The following BNC2 variants were observed in gnomAD, a reference collection of about 807,000 sequenced individuals.
The protein encoded by BNC2 is basonuclin zinc finger protein 2.
In BNC2, 20 loss-of-function variants were observed where a neutral mutation model predicts 76.3. The observed-to-expected ratio is 0.26, with a 90% CI of 0.18 to 0.38. The LOEUF (loss-of-function observed/expected upper bound fraction) is 0.38. Ranked by LOEUF, BNC2 falls within the 10% of genes least tolerant of loss-of-function variation. The probability of loss-of-function intolerance (pLI) is 1.00; values close to 1 mark genes in which losing one functional copy is unlikely to be tolerated. For missense variants in BNC2, 1,382 were observed against 1,399.8 expected (o/e 0.99, Z 0.20); for synonymous variants, 582 against 514.8 (o/e 1.13, Z -1.77).
chr9:16,522,548 T>G (rs1817650727), intron 5 of BNC2, among the ~76,000 whole-genome samples: 1 of 152,142 alleles, frequency 6.6e-6, no homozygotes, highest in African/African-American at 2.4e-5. Flanking sequence ...CTCTTTAGAT[T>G]TTTTACAGGG....
At chr9:16,764,175 T>G (rs2135404598) in intron 1 of BNC2, among the ~76,000 whole-genome samples, 1 of 152,364 alleles carries the variant, frequency 6.6e-6, no homozygotes. Flanking sequence ...GCTCACTCAC[T>G]GCCAGTAATT....
chr9:16,669,175 T>C (rs1248511076), intron 3 of BNC2, among the ~76,000 whole-genome samples: 1 of 152,234 alleles, frequency 6.6e-6, no homozygotes. Flanking sequence ...ATATTGTACG[T>C]ATTGATTGGA....
chr9:16,599,526 G>C (rs1313535147), intron 3 of BNC2, among the ~76,000 whole-genome samples: 2 of 152,214 alleles, frequency 1.3e-5, no homozygotes, highest in African/African-American at 4.8e-5. Flanking sequence ...GCTCACGCCT[G>C]TAATCCCAGC....
chr9:16,830,900 G>GA (rs1345921249), intron 1 of BNC2, among the ~76,000 whole-genome samples: 1 of 152,222 alleles, frequency 6.6e-6, no homozygotes, highest in East Asian at 1.9e-4. Context: ...TTTGAGGAAT[G>GA]AAAGAATAGC....
At chr9:16,465,010 TCATTTCA>T (rs1469665399) in intron 5 of BNC2, among the ~76,000 whole-genome samples, 1 of 152,186 alleles carries the variant, frequency 6.6e-6, no homozygotes, top group Admixed American at 6.5e-5. Flanking sequence ...CGACTTTTAA[TCATTTCA>T]CTCTCTTGCC....
intron 4 of BNC2, among the ~76,000 whole-genome samples, chr9:16,567,990 A>C (rs1019849354): frequency 6.6e-6 from 1 of 152,182 alleles, no homozygotes; most frequent in Non-Finnish European, 1.5e-5. Flanking sequence ...ATATTTCAAA[A>C]TTTTTAATGC....
intron 3 of BNC2, among the ~76,000 whole-genome samples, chr9:16,589,690 A>G (rs549531471): frequency 6.6e-6 from 1 of 151,934 alleles, no homozygotes; most frequent in Non-Finnish European, 1.5e-5. Flanking sequence ...TTATATTTTT[A>G]GTAGAGACAG....
intron 6 of BNC2, among the ~76,000 whole-genome samples, chr9:16,429,102 T>C (rs867563396): frequency 1.3e-5 from 2 of 152,178 alleles, no homozygotes; most frequent in Non-Finnish European, 2.9e-5. Context: ...TTCATTTATT[T>C]GAAGCTTGTG....
At chr9:16,772,352 G>A (rs980438635) in intron 1 of BNC2, among the ~76,000 whole-genome samples, 1 of 151,822 alleles carries the variant, frequency 6.6e-6, no homozygotes, top group Non-Finnish European at 1.5e-5. Flanking sequence ...TTTTTAATAT[G>A]CCATTGTTCC....
At chr9:16,559,102 C>A (rs1385369618) in intron 4 of BNC2, among the ~76,000 whole-genome samples, 1 of 152,054 alleles carries the variant, frequency 6.6e-6, no homozygotes, top group Non-Finnish European at 1.5e-5. Flanking sequence ...ATGCCTTCAA[C>A]AGCATTAATA....
chr9:16,782,068 C>A (rs1277937783), intron 1 of BNC2, among the ~76,000 whole-genome samples: 1 of 151,916 alleles, frequency 6.6e-6, no homozygotes, highest in South Asian at 2.1e-4. Context: ...GGGCGGATCA[C>A]GAGCTCAGGA....
At chr9:16,479,506 T>A (rs1209076497) in intron 5 of BNC2, among the ~76,000 whole-genome samples, 1 of 152,176 alleles carries the variant, frequency 6.6e-6, no homozygotes, top group Non-Finnish European at 1.5e-5. Context: ...ATTATTAAAA[T>A]TTTCAAATAC....
intron 3 of BNC2, among the ~76,000 whole-genome samples, chr9:16,600,735 G>A (rs539989450): frequency 1.5e-4 from 23 of 152,188 alleles, no homozygotes; most frequent in Admixed American, 9.2e-4. Flanking sequence ...GGGGTGCGGC[G>A]GGTGGCGAGA....
intron 5 of BNC2, among the ~76,000 whole-genome samples, chr9:16,536,798 G>A (rs928093375): frequency 6.6e-6 from 1 of 152,000 alleles, no homozygotes; most frequent in Non-Finnish European, 1.5e-5. Context: ...AAAATTATGG[G>A]AACATTATCT....
intron 5 of BNC2, among the ~76,000 whole-genome samples, chr9:16,452,770 C>A (rs1821370191): frequency 6.6e-6 from 1 of 152,124 alleles, no homozygotes; most frequent in East Asian, 1.9e-4. Flanking sequence ...TTATCTTCTG[C>A]AAATAACTTT....
intron 5 of BNC2, among the ~76,000 whole-genome samples, chr9:16,541,775 C>T (rs760500151): frequency 1.3e-5 from 2 of 152,070 alleles, no homozygotes; most frequent in African/African-American, 2.4e-5. Flanking sequence ...CTATGGGATA[C>T]TCTATTGTCA....
chr9:16,697,551 A>G (rs1324088256), intron 3 of BNC2, among the ~76,000 whole-genome samples: 1 of 151,782 alleles, frequency 6.6e-6, no homozygotes, highest in African/African-American at 2.4e-5. Flanking sequence ...GCAAAACCCC[A>G]TCTCTACTAA....
In BNC2 at chr9:16,713,821, T is replaced by TCC. The variant is rs142020464; in HGVS notation, c.330+13974_330+13975dup. 6.7e-4 allele frequency among the ~76,000 whole-genome samples: 102 copies of TCC among 152,286 alleles called. 2 individuals are homozygous for TCC. The East Asian group carries it at 0.019, about 28-fold the overall frequency. ...GGGCGTGGTGCCCTCATGCTTCTAA[T>TCC]CCCAGCACTTTGGGAGGCTGAGGTG... On this transcript the variant is annotated intron_variant, in intron 3 of 6. Transcript: ENST00000380672.
intron 5 of BNC2, among the ~76,000 whole-genome samples, chr9:16,502,009 A>G (rs984725781): frequency 6.6e-6 from 1 of 152,216 alleles, no homozygotes; most frequent in African/African-American, 2.4e-5. Context: ...TGCTAGTCCC[A>G]AGAAAAAGGT....
Sources: allele counts gnomAD v4.1 joint callset (sites outside exome capture counted in the v4.1 genomes callset), GRCh38; gene constraint gnomAD v4.1.1; transcripts MANE v1.5; gene names NCBI Gene and HGNC (gene_info 2026-07-23, HGNC 2026-07-21).